Variants in GALNT18 observed in about 807,000 individuals in gnomAD.
The protein encoded by GALNT18 is GalNAc-transferase 18.
A neutral mutation model predicts 69.5 loss-of-function variants in GALNT18; 44 were observed. The ratio of observed to expected loss-of-function variants is 0.63; its 90% CI spans 0.50 to 0.81. The LOEUF (loss-of-function observed/expected upper bound fraction) is 0.81. GALNT18 is among the 40% of genes least tolerant of loss of function. The probability of loss-of-function intolerance (pLI) is 0.00; values close to 1 mark genes in which losing one functional copy is unlikely to be tolerated. For missense variants in GALNT18, 715 were observed against 810.0 expected (o/e 0.88, Z 1.42); for synonymous variants, 364 against 318.2 (o/e 1.14, Z -1.53).
chr11:11,447,703 A>G lies in GALNT18; in HGVS notation c.428+1041T>C, dbSNP rs1474927271. Among the ~76,000 whole-genome samples, 7 of 152,194 alleles carry G rather than the reference A, an allele frequency of 4.6e-5. No homozygotes were observed. The East Asian group carries it at 1.4e-3, about 29-fold the overall frequency. On this transcript the variant is annotated intron_variant, in intron 2 of 10. Transcript: ENST00000227756. ...CCAGCAGGGAAAATGCCAGACGCTT[A>G]TAAAACCATCAGATCTCATGAGAAC...
chr11:11,272,755 C>G (rs1848853261), intron 10 of GALNT18, among the ~76,000 whole-genome samples: 1 of 152,170 alleles, frequency 6.6e-6, no homozygotes, highest in Non-Finnish European at 1.5e-5. Flanking sequence ...CCTCCACTTC[C>G]ACCTCCTCAG....
At chr11:11,453,873 T>A (rs183395017) in intron 1 of GALNT18, among the ~76,000 whole-genome samples, 173 of 152,330 alleles carry the variant, frequency 1.1e-3, no homozygotes, top group African/African-American at 4.0e-3. Context: ...CTCACTTACG[T>A]CTTTCTTAGC....
In GALNT18 at chr11:11,614,003, C is replaced by T. The variant is rs1161684159; in HGVS notation, c.235+7356G>A. Among the ~76,000 whole-genome samples the T allele has an allele frequency of 6.6e-6, 1 of 152,172 alleles. No individual in the cohort carries two copies. Among genetic ancestry groups the T allele is most frequent in the Non-Finnish European group, 1.5e-5 (1 of 68,042 alleles). On this transcript the variant is annotated intron_variant, in intron 1 of 10. Transcript: ENST00000227756. The surrounding 1 kb of genome is among the most constrained non-coding windows in gnomAD (Gnocchi z 5.6). ...AGCTGTACTGCTTGGCAATGTGCTTCTCCACAGGGCAGCCTGTCTGTCCCC... is the reference window on the plus strand; with the variant it reads ...AGCTGTACTGCTTGGCAATGTGCTTTTCCACAGGGCAGCCTGTCTGTCCCC...
rs530406011 is a variant in GALNT18 at position 11,559,912 on chromosome 11, G to T, written c.235+61447C>A. ...GGGATATGATGGGATGGATGGGATGGAATAGAATGAGATACAATGTGATGG... is the reference window on the plus strand; with the variant it reads ...GGGATATGATGGGATGGATGGGATGTAATAGAATGAGATACAATGTGATGG... On this transcript the variant is annotated intron_variant, in intron 1 of 10. Coordinates refer to ENST00000227756, the MANE Select transcript of GALNT18 (RefSeq NM_198516.3). 8.8e-3 allele frequency among the ~76,000 whole-genome samples: 1,042 copies of T among 118,588 alleles called. 10 individuals carry two copies. Among genetic ancestry groups the T allele is most frequent in the Non-Finnish European group, 9.4e-3 (513 of 54,376 alleles). The allele number at this position is 118,588 out of a possible 152,430, so 77.8% of individuals were successfully genotyped here.
At chr11:11,508,247 T>C (rs549061051) in intron 1 of GALNT18, among the ~76,000 whole-genome samples, 96 of 152,232 alleles carry the variant, frequency 6.3e-4, no homozygotes, top group Non-Finnish European at 1.2e-3. Flanking sequence ...ATACCCTTTT[T>C]TGTTTTTTAA....
rs146707585 is a variant in GALNT18, at chr11:11,614,628, G to T, written c.235+6731C>A. Among the ~76,000 whole-genome samples, 1 of 152,144 alleles carries T rather than the reference G, an allele frequency of 6.6e-6. No individual in the cohort carries two copies. The highest frequency in any genetic ancestry group is 2.1e-4 in the South Asian group (1 of 4,818). On this transcript the variant is annotated intron_variant, in intron 1 of 10. Coordinates refer to ENST00000227756, the MANE Select transcript of GALNT18 (RefSeq NM_198516.3). The surrounding 1 kb of genome is among the most constrained non-coding windows in gnomAD (Gnocchi z 5.6). ...TGAAGTGAGGTCAGAAATCCTATAC[G>T]ATGGTAATGAAGACGCTCCAGTAAC...
At chr11:11,361,601 G>A (rs188557615) in intron 6 of GALNT18, among the ~76,000 whole-genome samples, 3 of 151,970 alleles carry the variant, frequency 2.0e-5, no homozygotes, top group Admixed American at 2.0e-4. Context: ...CTTTTTTATG[G>A]TTCTAATTTA....
chr11:11,467,592 T>C (rs922066885), intron 1 of GALNT18, among the ~76,000 whole-genome samples: 10 of 152,164 alleles, frequency 6.6e-5, no homozygotes, highest in Non-Finnish European at 1.3e-4. Context: ...GCCCACACGC[T>C]CATGCATTGT....
chr11:11,506,807 T>C (rs1402044256), intron 1 of GALNT18, among the ~76,000 whole-genome samples: 1 of 152,150 alleles, frequency 6.6e-6, no homozygotes, highest in Admixed American at 6.5e-5. Context: ...AGCCCTGGTA[T>C]CCTGGAAAAT....
intron 9 of GALNT18, among the ~76,000 whole-genome samples, chr11:11,322,130 A>T (rs759471825): frequency 6.6e-6 from 1 of 152,244 alleles, no homozygotes; most frequent in African/African-American, 2.4e-5. Context: ...AATATTTTAC[A>T]TGTGTTAAAT....
Position 11,436,351 on chromosome 11 carries a change from A to G in GALNT18, c.429-3564T>C, listed in dbSNP as rs955961197. 1.3e-5 allele frequency among the ~76,000 whole-genome samples: 2 copies of G among 152,082 alleles called. No individual in the cohort carries two copies. The highest frequency in any genetic ancestry group is 4.8e-5 in the African/African-American group (2 of 41,404). ...AACTTCCCCTCCCTCCCAACCCACA[A>G]ATGCCACAGGACACATCCCCTTGCC... is the stretch of plus-strand genomic sequence containing the variant. On this transcript the variant is annotated intron_variant, in intron 2 of 10. Transcript: ENST00000227756. This position sits in a 1 kb window ranked among gnomAD's most constrained non-coding sequence, Gnocchi z 4.5.
intron 1 of GALNT18, among the ~76,000 whole-genome samples, chr11:11,552,505 C>T (rs111358279): frequency 2.6e-4 from 39 of 152,314 alleles, no homozygotes; most frequent in African/African-American, 8.7e-4. Context: ...TAAATGCAAA[C>T]AGCATATGGG....
chr11:11,340,077 G>A lies in GALNT18; in HGVS notation c.1278+742C>T, dbSNP rs1029221634. On this transcript the variant is annotated intron_variant, in intron 7 of 10. Transcript: ENST00000227756. The surrounding 1 kb of genome is among the most constrained non-coding windows in gnomAD (Gnocchi z 4.2). ...TCTAGGCAGACAGGCTGGTAAGTGG[G>A]TTGGAATCATGTGGCTGGCATCTCT... Among the ~76,000 whole-genome samples the A allele has an allele frequency of 1.5e-5, 2 of 131,680 alleles. No homozygotes were observed. The highest frequency in any genetic ancestry group is 5.6e-5 in the African/African-American group (2 of 35,536). 86.4% of individuals were successfully genotyped at this position (131,680 alleles called of 152,430 possible).
At chr11:11,579,094 A>T (rs992616977) in intron 1 of GALNT18, among the ~76,000 whole-genome samples, 1 of 152,216 alleles carries the variant, frequency 6.6e-6, no homozygotes, top group Non-Finnish European at 1.5e-5. Context: ...ACCCCAGCAG[A>T]CACATAGGTT....
chr11:11,434,754 G>A (rs968010987), intron 2 of GALNT18, among the ~76,000 whole-genome samples: 36 of 151,742 alleles, frequency 2.4e-4, no homozygotes, highest in African/African-American at 8.2e-4. Context: ...GGTGAGGGGA[G>A]GAACTTGAAT....
chr11:11,520,806 C>T (rs1176833532), intron 1 of GALNT18, among the ~76,000 whole-genome samples: 2 of 152,148 alleles, frequency 1.3e-5, no homozygotes, highest in African/African-American at 4.8e-5. Flanking sequence ...TGGATCAGTC[C>T]GGGGAGGGGC....
At chr11:11,406,615 G>A (rs1259235669) in intron 3 of GALNT18, among the ~76,000 whole-genome samples, 1 of 152,224 alleles carries the variant, frequency 6.6e-6, no homozygotes, top group Non-Finnish European at 1.5e-5. Context: ...TAAAGGCAAA[G>A]TTGAACACCA....
chr11:11,459,748 G>T lies in GALNT18; in HGVS notation c.236-10812C>A, dbSNP rs893771099. On this transcript the variant is annotated intron_variant, in intron 1 of 10. Coordinates refer to ENST00000227756, the MANE Select transcript of GALNT18 (RefSeq NM_198516.3). The surrounding 1 kb of genome is among the most constrained non-coding windows in gnomAD (Gnocchi z 5.0). ...GTGCTTAGCAAACCATCAGATAGGT[G>T]GTAAAGTGTATTAATAGTTTCCTAT... Among the ~76,000 whole-genome samples, 1 of 152,218 alleles carries T rather than the reference G, an allele frequency of 6.6e-6. No individual in the cohort carries two copies. The highest frequency in any genetic ancestry group is 2.4e-5 in the African/African-American group (1 of 41,440).
At chr11:11,514,370 ATTCCTGAAGCCACCTCCAAGGAAGCAGCC>A (rs1857223779) in intron 1 of GALNT18, among the ~76,000 whole-genome samples, 2 of 152,156 alleles carry the variant, frequency 1.3e-5, no homozygotes, top group African/African-American at 4.8e-5. Flanking sequence ...ACACAGCAGA[ATTCCTGAAGCCACCTCCAAGGAAGCAGCC>A]TCCCTGAGCA....
Sources: gnomAD v4.1 joint callset for allele counts (sites outside exome capture counted in the v4.1 genomes callset) on GRCh38, gnomAD v4.1.1 for gene constraint, Gnocchi (gnomAD v3.1) non-coding constraint, MANE v1.5 for transcripts, NCBI Gene and HGNC (gene_info 2026-07-23, HGNC 2026-07-21) for gene names.